Variants in PCDH15 observed in about 807,000 individuals in gnomAD.
PCDH15 encodes protocadherin related 15.
PCDH15 carries 129 observed loss-of-function variants against 178.5 expected under a neutral mutation model. The ratio of observed to expected loss-of-function variants is 0.72; its 90% CI spans 0.63 to 0.84. The LOEUF is 0.84. Ranked by LOEUF, PCDH15 falls within the 40% of genes least tolerant of loss-of-function variation. PCDH15 has a pLI of 0.00. For missense variants in PCDH15, 2,230 were observed against 2,099.9 expected (o/e 1.06, Z -1.21); for synonymous variants, 800 against 732.0 (o/e 1.09, Z -1.50).
intron 2 of PCDH15, among the ~76,000 whole-genome samples, chr10:55,377,523 A>C: frequency 6.6e-6 from 1 of 152,130 alleles, no homozygotes; most frequent in Non-Finnish European, 1.5e-5. Flanking sequence ...AAAATAGCTT[A>C]CTATATTTAG....
intron 3 of PCDH15, among the ~76,000 whole-genome samples, chr10:54,825,693 T>A (rs1289818865): frequency 6.6e-6 from 1 of 152,110 alleles, no homozygotes; most frequent in East Asian, 1.9e-4. Context: ...TGTCTGTTCA[T>A]GTCCTTCGCC....
intron 1 of PCDH15, among the ~76,000 whole-genome samples, chr10:55,289,243 C>A (rs949106446): frequency 2.6e-5 from 4 of 151,864 alleles, no homozygotes; most frequent in Non-Finnish European, 4.4e-5. Flanking sequence ...AAACCAGGAA[C>A]TGAGATTCTA....
intron 2 of PCDH15, among the ~76,000 whole-genome samples, chr10:55,343,394 T>C (rs1179107575): frequency 6.6e-6 from 1 of 152,174 alleles, no homozygotes; most frequent in East Asian, 1.9e-4. Flanking sequence ...AGATGGCCTT[T>C]ACCTCCTTGT....
chr10:53,861,137 A>G (rs1387532409), intron 27 of PCDH15, among the ~76,000 whole-genome samples: 1 of 152,188 alleles, frequency 6.6e-6, no homozygotes, highest in East Asian at 1.9e-4. Flanking sequence ...TTTATCATCT[A>G]TAACAAGGAT....
At chr10:54,906,400 A>T (rs10082548) in intron 2 of PCDH15, among the ~76,000 whole-genome samples, 147,657 of 152,172 alleles carry the variant, frequency 0.97, 71,792 homozygotes, top group East Asian at 1. Context: ...TCAATCCAGA[A>T]CTGTTAATAA....
intron 2 of PCDH15, among the ~76,000 whole-genome samples, chr10:54,630,355 G>C (rs1345839738): frequency 1.3e-5 from 2 of 152,064 alleles, no homozygotes; most frequent in Non-Finnish European, 2.9e-5. Flanking sequence ...CAGAAATAAG[G>C]CTGCTTACTT....
chr10:54,052,274 A>G (rs2093792897), intron 18 of PCDH15, among the ~76,000 whole-genome samples: 1 of 152,170 alleles, frequency 6.6e-6, no homozygotes, highest in Non-Finnish European at 1.5e-5. Context: ...ATGTGCCTAG[A>G]AAAGCCGCAG....
intron 21 of PCDH15, among the ~76,000 whole-genome samples, chr10:53,992,809 A>G (rs985239641): frequency 6.6e-6 from 1 of 152,224 alleles, no homozygotes; most frequent in Non-Finnish European, 1.5e-5. Flanking sequence ...GCACGGTAGA[A>G]AAAAGAGATC....
intron 6 of PCDH15, among the ~76,000 whole-genome samples, chr10:54,345,749 C>G (rs908220013): frequency 7.8e-6 from 1 of 128,442 alleles, no homozygotes; most frequent in African/African-American, 3.0e-5. Flanking sequence ...TTCCAGTGAG[C>G]CAAGATCACG....
intron 8 of PCDH15, among the ~76,000 whole-genome samples, chr10:54,298,395 C>T (rs1177336608): frequency 6.6e-6 from 1 of 152,164 alleles, no homozygotes; most frequent in Admixed American, 6.5e-5. Flanking sequence ...AAAGCGAGAT[C>T]AGAGAAAGAC....
At chr10:55,485,924 T>A (rs1374424400) in intron 2 of PCDH15, among the ~76,000 whole-genome samples, 1 of 151,646 alleles carries the variant, frequency 6.6e-6, no homozygotes, top group Non-Finnish European at 1.5e-5. Context: ...TTTACATCCC[T>A]ACAGAACCAA....
rs563935910 is a variant in PCDH15, at chr10:54,669,137, C to T, written c.-28-4847G>A. 1.1e-3 allele frequency among the ~76,000 whole-genome samples: 170 copies of T among 152,152 alleles called. 9 individuals are homozygous for T. The South Asian group carries it at 0.034, about 30-fold the overall frequency. ...TTTGCTTAAATGACTAGAGAGAAACCTGTCTTCTACCTCAGCATGGTGGTA... is the reference window on the plus strand; with the variant it reads ...TTTGCTTAAATGACTAGAGAGAAACTTGTCTTCTACCTCAGCATGGTGGTA... On this transcript the variant is annotated intron_variant, in intron 1 of 37. Transcript: ENST00000644397.
chr10:54,452,859 C>CT (rs2076567079), intron 3 of PCDH15, among the ~76,000 whole-genome samples: 1 of 152,048 alleles, frequency 6.6e-6, no homozygotes, highest in Non-Finnish European at 1.5e-5. Context: ...ACCGCATGTA[C>CT]ACATTTAGAT....
intron 26 of PCDH15, among the ~76,000 whole-genome samples, chr10:53,896,658 G>A (rs1056513376): frequency 6.6e-6 from 1 of 152,162 alleles, no homozygotes; most frequent in Non-Finnish European, 1.5e-5. Context: ...GTGACTGAGT[G>A]AAGCTTCATT....
chr10:55,045,332 T>C (rs1009496602), intron 2 of PCDH15, among the ~76,000 whole-genome samples: 1 of 152,068 alleles, frequency 6.6e-6, no homozygotes, highest in African/African-American at 2.4e-5. Flanking sequence ...TTCTTAGGTC[T>C]GTGTCAGATG....
chr10:55,063,629 T>C (rs1841494974), intron 2 of PCDH15, among the ~76,000 whole-genome samples: 1 of 152,148 alleles, frequency 6.6e-6, no homozygotes. Flanking sequence ...GCATATTTCT[T>C]GTATTATTAA....
chr10:54,459,510 A>G (rs1037506126), intron 3 of PCDH15, among the ~76,000 whole-genome samples: 1 of 152,064 alleles, frequency 6.6e-6, no homozygotes, highest in African/African-American at 2.4e-5. Flanking sequence ...GAGGATTTGC[A>G]GTATAAAATT....
chr10:55,125,900 C>G (rs1161007840), intron 2 of PCDH15, among the ~76,000 whole-genome samples: 1 of 152,070 alleles, frequency 6.6e-6, no homozygotes, highest in African/African-American at 2.4e-5. Flanking sequence ...TGATCTTATC[C>G]TGGGTCAGAA....
chr10:53,821,469 CT>C, intron 32 of PCDH15: 1 of 1,019,048 alleles, frequency 9.8e-7, no homozygotes, highest in Non-Finnish European at 1.2e-6. Flanking sequence ...CTGCTTTTTT[CT>C]TGGAACATTC....
Sources: allele counts gnomAD v4.1 joint callset (sites outside exome capture counted in the v4.1 genomes callset), GRCh38; gene constraint gnomAD v4.1.1; transcripts MANE v1.5; gene names NCBI Gene and HGNC (gene_info 2026-07-23, HGNC 2026-07-21).